The following HOXC8 variants were observed in gnomAD, a reference collection of about 807,000 sequenced individuals.
HOXC8 encodes the protein homeobox C8.
Under a neutral mutation model 25.8 loss-of-function variants are expected in HOXC8, and 14 were observed. That is an observed-to-expected ratio of 0.54 (90% confidence interval 0.36 to 0.85). The LOEUF is 0.85. Ranked by LOEUF, HOXC8 falls within the 40% of genes least tolerant of loss-of-function variation. HOXC8 has a pLI of 0.01. For missense variants in HOXC8, 316 were observed against 308.8 expected (o/e 1.02, Z -0.17); for synonymous variants, 144 against 124.6 (o/e 1.16, Z -1.04).
rs145158234 is a variant in HOXC8 at position 54,009,536 on chromosome 12, C to A, written c.252C>A (p.Asp84Glu). The change falls in exon 1 of 2, where the codon GAC becomes GAA. Residue 84 changes from aspartate to glutamate, a missense_variant. Coordinates refer to ENST00000040584, the MANE Select transcript of HOXC8 (RefSeq NM_022658.4). The surrounding 1 kb of genome is among the most constrained non-coding windows in gnomAD (Gnocchi z 5.0). ...CGTGCTCGCTTAGCTGCCACGGAGA[C>A]GCCTCCAAATTCTATGGCTACGAGG... is the stretch of plus-strand genomic sequence containing the variant. ...QNPCSLSCHG[D>E]ASKFYGYEAL... is the part of the protein sequence containing the mutation. The A allele has an allele frequency of 1.9e-6, 3 of 1,614,204 alleles. No individual in the cohort carries two copies. The highest frequency in any genetic ancestry group is 1.7e-5 in the Admixed American group (1 of 60,038).
Position 54,009,348 on chromosome 12 carries a change from G to T in HOXC8, c.64G>T (p.Ala22Ser). ...CAAAGCCGGCGAGTCCCTGGAACCG[G>T]CCTATTACGACTGCCGGTTCCCTCA... ...KYKAGESLEP[A>S]YYDCRFPQSV... The change falls in exon 1 of 2, where the codon GCC (alanine) becomes TCC (serine). Residue 22 changes from alanine to serine, a missense_variant. Transcript: ENST00000040584. The surrounding 1 kb of genome is among the most constrained non-coding windows in gnomAD (Gnocchi z 5.0). The T allele has an allele frequency of 6.2e-7, 1 of 1,612,644 alleles. No homozygotes were observed. Among genetic ancestry groups the T allele is most frequent in the South Asian group, 1.1e-5 (1 of 90,992 alleles).
At chr12:54,010,355 A>G (rs1474125549) in intron 1 of HOXC8, among the ~76,000 whole-genome samples, 2 of 152,166 alleles carry the variant, frequency 1.3e-5, no homozygotes, top group African/African-American at 4.8e-5. Flanking sequence ...GGGGGAAAAA[A>G]GAGTGCTCAA....
rs1314295834 is a variant in HOXC8 at position 54,009,821 on chromosome 12, T to TG, written c.436+105dup. ...CTGCCCTCGCTTTTTCTCCTGGCTT[T>TG]GGGGTCTCTCCCGCCCCACCCCCGT... On this transcript the variant is annotated intron_variant, in intron 1 of 1. Transcript: ENST00000040584. This position sits in a 1 kb window ranked among gnomAD's most constrained non-coding sequence, Gnocchi z 5.0. 1.9e-6 allele frequency: 2 copies of TG among 1,073,644 alleles called. No individual in the cohort carries two copies. Among genetic ancestry groups the TG allele is most frequent in the Non-Finnish European group, 2.8e-6 (2 of 722,694 alleles). 66.5% of individuals were successfully genotyped at this position (1,073,644 alleles called of 1,614,324 possible).
At chr12:54,010,593 A>G (rs551602082) in intron 1 of HOXC8, among the ~76,000 whole-genome samples, 1 of 152,372 alleles carries the variant, frequency 6.6e-6, no homozygotes, top group African/African-American at 2.4e-5. Flanking sequence ...CCAGTTAGCA[A>G]TCAGGCGGAG....
At position 54,011,069 on chromosome 12, in the gene HOXC8, TG is replaced by T; in HGVS notation, c.437-16del. 1 of 1,583,972 alleles carries T rather than the reference TG, an allele frequency of 6.3e-7. No homozygotes were observed. Among genetic ancestry groups the T allele is most frequent in the Non-Finnish European group, 8.7e-7 (1 of 1,153,086 alleles). Reference sequence around the variant, plus strand: ...AGCCCCCATCCAAACGTAACCAGACTGGGGTTTTCTTCTGTCCAGCTCCGGG... The same window carrying T: ...AGCCCCCATCCAAACGTAACCAGACTGGGTTTTCTTCTGTCCAGCTCCGGG... On this transcript the variant is annotated intron_variant, in intron 1 of 1. Transcript: ENST00000040584.
At position 54,009,707 on chromosome 12, in the gene HOXC8, G is replaced by T. The variant is rs1297815698; in HGVS notation, c.423G>T (p.Trp141Cys). ...CGTCTCCCAGCCTCATGTTTCCATG[G>T]ATGAGACCCCACGGTGAGAAGCCTT... The part of the protein sequence containing the change: ...QNSSPSLMFP[W>C]MRPHAPGRRS... The change falls in exon 1 of 2, where the codon TGG becomes TGT. Residue 141 changes from tryptophan to cysteine, a missense_variant. Coordinates refer to ENST00000040584, the MANE Select transcript of HOXC8 (RefSeq NM_022658.4). This position sits in a 1 kb window ranked among gnomAD's most constrained non-coding sequence, Gnocchi z 5.0. 6.2e-7 allele frequency: 1 copy of T among 1,613,634 alleles called. No homozygotes were observed. The highest frequency in any genetic ancestry group is 8.5e-7 in the Non-Finnish European group (1 of 1,179,638).
In HOXC8 at chr12:54,009,990, C is replaced by T. The variant is rs1939948756; in HGVS notation, c.436+270C>T. 6.6e-6 allele frequency among the ~76,000 whole-genome samples: 1 copy of T among 152,186 alleles called. No homozygotes were observed. Among genetic ancestry groups the T allele is most frequent in the African/African-American group, 2.4e-5 (1 of 41,442 alleles). On this transcript the variant is annotated intron_variant, in intron 1 of 1. Transcript: ENST00000040584. This position sits in a 1 kb window ranked among gnomAD's most constrained non-coding sequence, Gnocchi z 5.0. Reference sequence around the variant, plus strand: ...GCAAAGGGTTAAAAATCGTTTTCTCCATCTCTGTCTGTCTGTCTCTCTCTG... The same window carrying T: ...GCAAAGGGTTAAAAATCGTTTTCTCTATCTCTGTCTGTCTGTCTCTCTCTG...
In HOXC8 at chr12:54,011,404, C is replaced by CG. The variant is rs1181637988; in HGVS notation, c.*23_*24insG. On this transcript the variant is annotated 3_prime_UTR_variant, in exon 2 of 2. Coordinates refer to ENST00000040584, the MANE Select transcript of HOXC8 (RefSeq NM_022658.4). ...TAAGCAAAAAAGAAAGACCCCCCCC[C>CG]CCTTAGCAACTCCCTTGAAGTTTCG... 2.1e-6 allele frequency: 3 copies of CG among 1,440,052 alleles called. No homozygotes were observed. The highest frequency in any genetic ancestry group is 2.7e-6 in the Non-Finnish European group (3 of 1,098,392). 89.2% of individuals were successfully genotyped at this position (1,440,052 alleles called of 1,614,324 possible).
At position 54,009,440 on chromosome 12, in the gene HOXC8, T is replaced by G; in HGVS notation, c.156T>G (p.Ala52=). Residue 52 remains alanine, a synonymous_variant, in exon 1 of 2, where the codon GCT becomes GCG. Transcript: ENST00000040584. The surrounding 1 kb of genome is among the most constrained non-coding windows in gnomAD (Gnocchi z 5.0). The stretch of plus-strand genomic sequence containing the variant: ...GCTCGGCGCCCGGCTTCCAGCACGC[T>G]TCGCACCACGTTCAAGACTTCTTCC... The part of the protein sequence containing the change: ...PGGSAPGFQH[A]SHHVQDFFHH... 10 of 1,614,098 alleles carry G rather than the reference T, an allele frequency of 6.2e-6. No individual in the cohort carries two copies. The highest frequency in any genetic ancestry group is 8.5e-6 in the Non-Finnish European group (10 of 1,180,012).
At chr12:54,010,717 CCTTT>C (rs1205784125) in intron 1 of HOXC8, among the ~76,000 whole-genome samples, 1 of 152,118 alleles carries the variant, frequency 6.6e-6, no homozygotes, top group Non-Finnish European at 1.5e-5. Context: ...AGCTTTTTTT[CCTTT>C]CTTTTGGAAA....
Position 54,009,591 on chromosome 12 carries a change from C to G in HOXC8, c.307C>G (p.Gln103Glu). ...CCCCAGACAGTCCCTTTATGGGGCT[C>G]AGCAAGAGGCGAGCGTGGTGCAATA... ...ALPRQSLYGA[Q>E]QEASVVQYPD... Residue 103 changes from glutamine (Q) to glutamate (E), a missense_variant, in exon 1 of 2, where the codon CAG becomes GAG. Coordinates refer to ENST00000040584, the MANE Select transcript of HOXC8 (RefSeq NM_022658.4). The surrounding 1 kb of genome is among the most constrained non-coding windows in gnomAD (Gnocchi z 5.0). 1 of 1,614,228 alleles carries G rather than the reference C, an allele frequency of 6.2e-7. No individual in the cohort carries two copies. The highest frequency in any genetic ancestry group is 8.5e-7 in the Non-Finnish European group (1 of 1,180,044).
At position 54,009,334 on chromosome 12, in the gene HOXC8, A is replaced by T; in HGVS notation, c.50A>T (p.Glu17Val). The change falls in exon 1 of 2, where the codon GAG (glutamate) becomes GTG (valine). Residue 17 changes from glutamate to valine, a missense_variant. Glu to Val is a moderately radical substitution (Grantham distance 121). Transcript: ENST00000040584. This position sits in a 1 kb window ranked among gnomAD's most constrained non-coding sequence, Gnocchi z 5.0. ...NPLFSKYKAGESLEPAYYDCR... is the reference protein window; with the variant it reads ...NPLFSKYKAGVSLEPAYYDCR... ...CTGTTCTCCAAATACAAAGCCGGCGAGTCCCTGGAACCGGCCTATTACGAC... is the reference window on the plus strand; with the variant it reads ...CTGTTCTCCAAATACAAAGCCGGCGTGTCCCTGGAACCGGCCTATTACGAC... The T allele has an allele frequency of 1.2e-6, 2 of 1,605,614 alleles. No individual in the cohort carries two copies. Among genetic ancestry groups the T allele is most frequent in the South Asian group, 2.2e-5 (2 of 90,832 alleles).
rs1403126357 is a variant in HOXC8, at chr12:54,009,743, C to G, written c.436+23C>G. ...ACGGTGAGAAGCCTTTTCTCTTTCC[C>G]CCTTGGTCTCCCGCGCTCCAGGGTT... On this transcript the variant is annotated intron_variant, in intron 1 of 1. Coordinates refer to ENST00000040584, the MANE Select transcript of HOXC8 (RefSeq NM_022658.4). This position sits in a 1 kb window ranked among gnomAD's most constrained non-coding sequence, Gnocchi z 5.0. 3.8e-6 allele frequency: 6 copies of G among 1,598,872 alleles called. No individual in the cohort carries two copies. Among genetic ancestry groups the G allele is most frequent in the East Asian group, 2.2e-5 (1 of 44,674 alleles).
chr12:54,009,182 G>T lies in HOXC8; in HGVS notation c.-103G>T. The T allele has an allele frequency of 6.9e-6, 7 of 1,016,436 alleles. No individual in the cohort carries two copies. The highest frequency in any genetic ancestry group is 1.0e-5 in the Non-Finnish European group (7 of 679,982). The allele number at this position is 1,016,436 out of a possible 1,614,324, so 63.0% of individuals were successfully genotyped here. On this transcript the variant is annotated 5_prime_UTR_variant, in exon 1 of 2. Coordinates refer to ENST00000040584, the MANE Select transcript of HOXC8 (RefSeq NM_022658.4). The surrounding 1 kb of genome is among the most constrained non-coding windows in gnomAD (Gnocchi z 5.0). ...AGCCCAGCCCAGTCCCGGGGAGCCA[G>T]CTGGCCTGGGGTTCGGTCCCGGGGG... is the stretch of plus-strand genomic sequence containing the variant.
Position 54,009,745 on chromosome 12 carries a change from C to T in HOXC8, c.436+25C>T, listed in dbSNP as rs1250285121. 3.1e-6 allele frequency: 5 copies of T among 1,598,446 alleles called. No individual in the cohort carries two copies. The highest frequency in any genetic ancestry group is 3.3e-4 in the Middle Eastern group (2 of 6,026). ...GGTGAGAAGCCTTTTCTCTTTCCCCCTTGGTCTCCCGCGCTCCAGGGTTTC... is the reference window on the plus strand; with the variant it reads ...GGTGAGAAGCCTTTTCTCTTTCCCCTTTGGTCTCCCGCGCTCCAGGGTTTC... On this transcript the variant is annotated intron_variant, in intron 1 of 1. Coordinates refer to ENST00000040584, the MANE Select transcript of HOXC8 (RefSeq NM_022658.4). This position sits in a 1 kb window ranked among gnomAD's most constrained non-coding sequence, Gnocchi z 5.0.
rs540158121 is a variant in HOXC8 at position 54,009,561 on chromosome 12, G to A, written c.277G>A (p.Ala93Thr). 1.5e-5 allele frequency: 24 copies of A among 1,614,210 alleles called. No homozygotes were observed. In the South Asian group the frequency reaches 2.5e-4, roughly 17 times the overall value. Residue 93 changes from alanine to threonine, a missense_variant, in exon 1 of 2, where the codon GCG becomes ACG. Physicochemically the swap from Ala to Thr is moderately conservative, Grantham distance 58 (BLOSUM62 0). Coordinates refer to ENST00000040584, the MANE Select transcript of HOXC8 (RefSeq NM_022658.4). The surrounding 1 kb of genome is among the most constrained non-coding windows in gnomAD (Gnocchi z 5.0). ...GDASKFYGYE[A>T]LPRQSLYGAQ... ...CGCCTCCAAATTCTATGGCTACGAG[G>A]CGCTCCCCAGACAGTCCCTTTATGG...
At position 54,011,278 on chromosome 12, in the gene HOXC8, A is replaced by G; in HGVS notation, c.626A>G (p.Asn209Ser). The G allele has an allele frequency of 6.3e-7, 1 of 1,595,658 alleles. No homozygotes were observed. Residue 209 changes from asparagine to serine, a missense_variant, in exon 2 of 2, where the codon AAC (asparagine) becomes AGC (serine). Physicochemically the swap from Asn to Ser is conservative, Grantham distance 46. Transcript: ENST00000040584. ...NRRMKWKKENNKDKLPGARDE... is the reference protein window; with the variant it reads ...NRRMKWKKENSKDKLPGARDE... ...AGGATGAAGTGGAAAAAGGAGAACA[A>G]CAAGGATAAACTGCCGGGAGCCCGA... is the stretch of plus-strand genomic sequence containing the variant.
In HOXC8 at chr12:54,009,056, C is replaced by CCCG. The variant is rs970553943; in HGVS notation, c.-214_-212dup. On this transcript the variant is annotated 5_prime_UTR_variant, in exon 1 of 2. Coordinates refer to ENST00000040584, the MANE Select transcript of HOXC8 (RefSeq NM_022658.4). This position sits in a 1 kb window ranked among gnomAD's most constrained non-coding sequence, Gnocchi z 5.0. ...CGCCGCCGCCGCCGCCCGCTCGCCG[C>CCCG]CCGCCGCCGCCGCCGCCCGCGCCCC... 6 of 158,942 alleles carry CCCG rather than the reference C, an allele frequency of 3.8e-5. No homozygotes were observed. The highest frequency in any genetic ancestry group is 1.8e-4 in the South Asian group (1 of 5,656). 9.8% of individuals were successfully genotyped at this position (158,942 alleles called of 1,614,324 possible). A position where few individuals can be genotyped will look rare whatever the true frequency, so the allele number is the denominator to read the frequency against.
chr12:54,011,752 C>A lies in HOXC8; in HGVS notation c.*371C>A. 1 of 159,952 alleles carries A rather than the reference C, an allele frequency of 6.3e-6. No individual in the cohort carries two copies. Among genetic ancestry groups the A allele is most frequent in the Non-Finnish European group, 1.4e-5 (1 of 73,360 alleles). 9.9% of individuals were successfully genotyped at this position (159,952 alleles called of 1,614,324 possible). On this transcript the variant is annotated 3_prime_UTR_variant, in exon 2 of 2. Coordinates refer to ENST00000040584, the MANE Select transcript of HOXC8 (RefSeq NM_022658.4). ...CTCTCACCACACTCCCACCTCCCTGCTTCTCTGGTATTTATTTTAGAGGGG... is the reference window on the plus strand; with the variant it reads ...CTCTCACCACACTCCCACCTCCCTGATTCTCTGGTATTTATTTTAGAGGGG...
Sources: allele counts gnomAD v4.1 joint callset (sites outside exome capture counted in the v4.1 genomes callset), GRCh38; gene constraint gnomAD v4.1.1; non-coding constraint Gnocchi (gnomAD v3.1); transcripts MANE v1.5; gene names NCBI Gene and HGNC (gene_info 2026-07-23, HGNC 2026-07-21).